Variants in ST6GALNAC3 observed in about 807,000 individuals in gnomAD.
The protein encoded by ST6GALNAC3 is ST6 N-acetylgalactosaminide alpha-2,6-sialyltransferase 3.
Under a neutral mutation model 32.7 loss-of-function variants are expected in ST6GALNAC3, and 25 were observed. That is an observed-to-expected ratio of 0.76 (90% CI 0.56 to 1.07). The LOEUF is 1.07. ST6GALNAC3 is among the 50% of genes least tolerant of loss of function. ST6GALNAC3 has a pLI of 0.00. For synonymous variants in ST6GALNAC3, 129 were observed against 133.1 expected (o/e 0.97, Z 0.21); for missense variants, 355 against 382.4 (o/e 0.93, Z 0.60).
chr1:76,124,104 A>G (rs1295162456), intron 1 of ST6GALNAC3, among the ~76,000 whole-genome samples: 2 of 151,990 alleles, frequency 1.3e-5, no homozygotes, highest in African/African-American at 4.8e-5. Context: ...TTTAATCTTT[A>G]CATGTCTAAA....
intron 3 of ST6GALNAC3, among the ~76,000 whole-genome samples, chr1:76,512,379 A>G (rs1289359746): frequency 6.6e-6 from 1 of 152,150 alleles, no homozygotes; most frequent in Non-Finnish European, 1.5e-5. Context: ...TTGTTAGTAG[A>G]TAAAATTAAA....
rs746506226 is a variant in ST6GALNAC3 at position 76,627,440 on chromosome 1, C to T, written c.624-12C>T. On this transcript the variant is annotated splice_polypyrimidine_tract_variant and intron_variant, in intron 3 of 4. Coordinates refer to ENST00000328299, the MANE Select transcript of ST6GALNAC3 (RefSeq NM_152996.4). ...TGTTCTGTTTGTTATTGTTTGTTTT[C>T]ATTTCCCTCAGAGTCCAGTCTGGCT... The T allele has an allele frequency of 6.4e-7, 1 of 1,566,666 alleles. No homozygotes were observed. The highest frequency in any genetic ancestry group is 2.2e-5 in the East Asian group (1 of 44,674).
intron 2 of ST6GALNAC3, chr1:76,354,301 A>G (rs1443865701): frequency 6.6e-6 from 1 of 152,078 alleles, no homozygotes; most frequent in Non-Finnish European, 1.5e-5. Context: ...CACCTATCCT[A>G]TTCAGCCTTC....
In ST6GALNAC3 at chr1:76,493,207, G is replaced by A. The variant is rs564152054; in HGVS notation, c.623+80790G>A. On this transcript the variant is annotated intron_variant, in intron 3 of 4. Transcript: ENST00000328299. ...CATCTGCTCTAAATCTTGTTGTGCT[G>A]GAGATTTTGCAAGAAGCTAGAGAGG... Among the ~76,000 whole-genome samples the A allele has an allele frequency of 5.9e-5, 9 of 152,196 alleles. No individual in the cohort carries two copies. In the South Asian group the frequency reaches 1.9e-3, roughly 32 times the overall value.
In ST6GALNAC3 at chr1:76,469,930, A is replaced by G. The variant is rs552615064; in HGVS notation, c.623+57513A>G. 3.3e-5 allele frequency among the ~76,000 whole-genome samples: 5 copies of G among 152,206 alleles called. No homozygotes were observed. In the East Asian group the frequency reaches 9.7e-4, roughly 29 times the overall value. On this transcript the variant is annotated intron_variant, in intron 3 of 4. Transcript: ENST00000328299. ...GGATCAGCTAAGTGCTATGGAGGGTATTAATCACTTTTTACTTGCAGTGAA... is the reference window on the plus strand; with the variant it reads ...GGATCAGCTAAGTGCTATGGAGGGTGTTAATCACTTTTTACTTGCAGTGAA...
intron 1 of ST6GALNAC3, among the ~76,000 whole-genome samples, chr1:76,247,070 T>A (rs1657303740): frequency 6.6e-6 from 1 of 152,188 alleles, no homozygotes; most frequent in African/African-American, 2.4e-5. Flanking sequence ...CTTCTGCAGG[T>A]CTGCTGCAGT....
chr1:76,304,766 C>A (rs1452526573), intron 1 of ST6GALNAC3, among the ~76,000 whole-genome samples: 2 of 152,060 alleles, frequency 1.3e-5, no homozygotes, highest in Non-Finnish European at 2.9e-5. Context: ...TAGTCATTTT[C>A]ATCATTGTCG....
At position 76,208,053 on chromosome 1, in the gene ST6GALNAC3, A is replaced by C. The variant is rs12729622; in HGVS notation, c.19-105752A>C. Among the ~76,000 whole-genome samples, 367 of 99,712 alleles carry C rather than the reference A, an allele frequency of 3.7e-3. 4 individuals carry two copies. The highest frequency in any genetic ancestry group is 0.013 in the African/African-American group (330 of 25,700). The allele number at this position is 99,712 out of a possible 152,430, so 65.4% of individuals were successfully genotyped here. ...CCCACTCAAGAGTGCCCCCCCCCCC[A>C]AAAAATAGTTCACCCAGAACCCATG... On this transcript the variant is annotated intron_variant, in intron 1 of 4. Transcript: ENST00000328299.
intron 1 of ST6GALNAC3, among the ~76,000 whole-genome samples, chr1:76,082,842 A>G (rs1355199237): frequency 6.6e-6 from 1 of 152,036 alleles, no homozygotes; most frequent in Non-Finnish European, 1.5e-5. Context: ...CGGAGGCCAG[A>G]AAAAGAGGAT....
intron 1 of ST6GALNAC3, among the ~76,000 whole-genome samples, chr1:76,271,337 G>T (rs1184864827): frequency 6.6e-6 from 1 of 152,092 alleles, no homozygotes. Flanking sequence ...GGAACCAGAA[G>T]AATTTATTCT....
At chr1:76,517,491 T>C (rs1391915846) in intron 3 of ST6GALNAC3, among the ~76,000 whole-genome samples, 1 of 151,920 alleles carries the variant, frequency 6.6e-6, no homozygotes, top group African/African-American at 2.4e-5. Flanking sequence ...AGAGTCGCCT[T>C]TTGCTGTGAT....
At chr1:76,154,514 G>T (rs1417782250) in intron 1 of ST6GALNAC3, among the ~76,000 whole-genome samples, 1 of 152,216 alleles carries the variant, frequency 6.6e-6, no homozygotes, top group Non-Finnish European at 1.5e-5. Context: ...ATGAAGCACA[G>T]CCACTGCTTG....
chr1:76,261,154 A>G (rs560315249), intron 1 of ST6GALNAC3, among the ~76,000 whole-genome samples: 20 of 152,284 alleles, frequency 1.3e-4, no homozygotes, highest in Admixed American at 4.6e-4. Context: ...GATGCACAGT[A>G]GGCCACTTGA....
chr1:76,377,276 T>C (rs1008258598), intron 2 of ST6GALNAC3, among the ~76,000 whole-genome samples: 2 of 152,208 alleles, frequency 1.3e-5, no homozygotes, highest in Non-Finnish European at 2.9e-5. Context: ...AGCCATGTTA[T>C]TGAGTATGTA....
intron 1 of ST6GALNAC3, among the ~76,000 whole-genome samples, chr1:76,266,557 A>G (rs550672680): frequency 6.6e-6 from 1 of 152,306 alleles, no homozygotes; most frequent in Non-Finnish European, 1.5e-5. Context: ...TGAAAGTAAC[A>G]TTCTCTAAAG....
At position 76,358,043 on chromosome 1, in the gene ST6GALNAC3, C is replaced by T. The variant is rs559725459; in HGVS notation, c.213+44044C>T. ...TAACTGACCTTCTGGCTATATTCAT[C>T]AGTGCTCACCACTTCTTTTTTTAAA... On this transcript the variant is annotated intron_variant, in intron 2 of 4. Coordinates refer to ENST00000328299, the MANE Select transcript of ST6GALNAC3 (RefSeq NM_152996.4). Among the ~76,000 whole-genome samples, 15 of 152,278 alleles carry T rather than the reference C, an allele frequency of 9.9e-5. No homozygotes were observed. The South Asian group carries it at 3.1e-3, about 32-fold the overall frequency.
chr1:76,329,954 A>G (rs563262124), intron 2 of ST6GALNAC3, among the ~76,000 whole-genome samples: 8 of 149,120 alleles, frequency 5.4e-5, no homozygotes, highest in African/African-American at 2.0e-4. Flanking sequence ...GATTACAGGC[A>G]TGCACCACCA....
At chr1:76,088,247 C>G (rs1251576) in intron 1 of ST6GALNAC3, among the ~76,000 whole-genome samples, 60,961 of 152,012 alleles carry the variant, frequency 0.4, 12,645 homozygotes, top group Admixed American at 0.5. Flanking sequence ...ACAGATGCGC[C>G]TATGACCACA....
intron 1 of ST6GALNAC3, among the ~76,000 whole-genome samples, chr1:76,168,780 T>G (rs1297516684): frequency 6.6e-6 from 1 of 152,134 alleles, no homozygotes; most frequent in African/African-American, 2.4e-5. Flanking sequence ...AAACTGAGAT[T>G]GCAACTCTTG....
Sources: allele counts gnomAD v4.1 joint callset (sites outside exome capture counted in the v4.1 genomes callset), GRCh38; gene constraint gnomAD v4.1.1; transcripts MANE v1.5; gene names NCBI Gene and HGNC (gene_info 2026-07-23, HGNC 2026-07-21).